RNF150: variants seen among roughly 807,000 people sequenced by gnomAD.
The protein encoded by RNF150 is ring finger protein 150.
Under a neutral mutation model 39.3 loss-of-function variants are expected in RNF150, and 24 were observed. The ratio of observed to expected loss-of-function variants is 0.61; its 90% CI spans 0.44 to 0.86. The LOEUF is 0.86. Ranked by LOEUF, RNF150 falls within the 40% of genes least tolerant of loss-of-function variation. The probability of loss-of-function intolerance (pLI) is 0.00; values close to 1 mark genes in which losing one functional copy is unlikely to be tolerated. For synonymous variants in RNF150, 255 were observed against 227.3 expected (o/e 1.12, Z -1.10); for missense variants, 502 against 587.8 (o/e 0.85, Z 1.51).
At chr4:141,095,427 CA>C (rs955875948) in intron 1 of RNF150, among the ~76,000 whole-genome samples, 18 of 150,236 alleles carry the variant, frequency 1.2e-4, no homozygotes, top group East Asian at 3.9e-4. Flanking sequence ...TTAAAAACAA[CA>C]AAAAAAAAGA....
At chr4:141,022,224 T>C (rs1167625545) in intron 1 of RNF150, among the ~76,000 whole-genome samples, 3 of 151,928 alleles carry the variant, frequency 2.0e-5, no homozygotes, top group Non-Finnish European at 2.9e-5. Context: ...TTTTATTTTT[T>C]ATTCTTTTTT....
intron 1 of RNF150, among the ~76,000 whole-genome samples, chr4:141,027,919 T>C (rs7664391): frequency 1.3e-5 from 1 of 78,162 alleles, no homozygotes; most frequent in African/African-American, 5.5e-5. Context: ...TTTGTTTTTT[T>C]TTTTTTGTTT....
chr4:140,937,383 C>T (rs1444174734), intron 4 of RNF150, among the ~76,000 whole-genome samples: 1 of 152,168 alleles, frequency 6.6e-6, no homozygotes, highest in Non-Finnish European at 1.5e-5. Flanking sequence ...GCCTCAACTT[C>T]CCGATTAGCT....
intron 1 of RNF150, among the ~76,000 whole-genome samples, chr4:141,021,778 G>T (rs1735504099): frequency 6.6e-6 from 1 of 152,198 alleles, no homozygotes; most frequent in South Asian, 2.1e-4. Flanking sequence ...GTTACAGGTA[G>T]AAGCCCAACA....
At chr4:141,065,073 C>T (rs937952326) in intron 1 of RNF150, among the ~76,000 whole-genome samples, 7 of 152,180 alleles carry the variant, frequency 4.6e-5, no homozygotes, top group Non-Finnish European at 1.0e-4. Flanking sequence ...CCATGTTGGT[C>T]AGGCTGATCT....
chr4:140,994,182 G>T (rs1196083925), intron 1 of RNF150, among the ~76,000 whole-genome samples: 2 of 152,182 alleles, frequency 1.3e-5, no homozygotes, highest in East Asian at 3.8e-4. Flanking sequence ...ACCATGTTTG[G>T]AGTGGAAATC....
chr4:141,126,039 T>C (rs1726744694), intron 1 of RNF150, among the ~76,000 whole-genome samples: 1 of 152,132 alleles, frequency 6.6e-6, no homozygotes, highest in African/African-American at 2.4e-5. Context: ...TCCTGGCTAT[T>C]GGAATTTCTG....
At chr4:140,914,767 C>A (rs965928857) in intron 5 of RNF150, among the ~76,000 whole-genome samples, 1 of 152,126 alleles carries the variant, frequency 6.6e-6, no homozygotes, top group Non-Finnish European at 1.5e-5. Flanking sequence ...TTATATTTCC[C>A]GTAGCAAAAT....
At chr4:140,919,591 C>T (rs1399476040) in intron 5 of RNF150, among the ~76,000 whole-genome samples, 1 of 150,186 alleles carries the variant, frequency 6.7e-6, no homozygotes, top group East Asian at 2.0e-4. Flanking sequence ...GAATCAATAT[C>T]GTGAAAATGG....
intron 1 of RNF150, among the ~76,000 whole-genome samples, chr4:141,122,006 C>T (rs1726618993): frequency 6.6e-6 from 1 of 152,094 alleles, no homozygotes; most frequent in Admixed American, 6.6e-5. Context: ...AACTTTTAAA[C>T]TCCCCCAGGT....
chr4:140,872,364 T>C (rs1010956459), intron 6 of RNF150, among the ~76,000 whole-genome samples: 1 of 152,216 alleles, frequency 6.6e-6, no homozygotes, highest in Non-Finnish European at 1.5e-5. Flanking sequence ...AGTTTATAGA[T>C]GAAAAATACT....
chr4:140,943,208 C>A (rs1732155770), intron 4 of RNF150, among the ~76,000 whole-genome samples: 1 of 151,862 alleles, frequency 6.6e-6, no homozygotes, highest in Non-Finnish European at 1.5e-5. Flanking sequence ...GTATCGAAGG[C>A]CAAAGGAAAA....
At chr4:141,199,707 G>A (rs1164211970) in intron 1 of RNF150, among the ~76,000 whole-genome samples, 1 of 152,100 alleles carries the variant, frequency 6.6e-6, no homozygotes, top group African/African-American at 2.4e-5. Flanking sequence ...AGCACAATGG[G>A]GATTTTCAGA....
chr4:141,118,633 C>A (rs1726510094), intron 1 of RNF150, among the ~76,000 whole-genome samples: 4 of 152,112 alleles, frequency 2.6e-5, no homozygotes. Context: ...ACTGGCCAGG[C>A]AAGGTAATGG....
At position 140,981,273 on chromosome 4, in the gene RNF150, A is replaced by G. The variant is rs923742922; in HGVS notation, c.485-13400T>C. ...ATTTTTCAGATTTTGAAAGATTTGC[A>G]TATACATAATGAGACATCTTGGCGA... On this transcript the variant is annotated intron_variant, in intron 1 of 6. Transcript: ENST00000515673. Among the ~76,000 whole-genome samples the G allele has an allele frequency of 3.9e-5, 6 of 152,190 alleles. No homozygotes were observed. In the East Asian group the frequency reaches 9.7e-4, roughly 24 times the overall value.
At chr4:140,960,682 C>T (rs1055885596) in intron 2 of RNF150, among the ~76,000 whole-genome samples, 1 of 152,024 alleles carries the variant, frequency 6.6e-6, no homozygotes, top group Admixed American at 6.6e-5. Flanking sequence ...AGGATAGGGT[C>T]CAGAGAGCTT....
chr4:141,056,785 G>C (rs1578677709), intron 1 of RNF150, among the ~76,000 whole-genome samples: 2 of 152,080 alleles, frequency 1.3e-5, no homozygotes, highest in South Asian at 4.2e-4. Flanking sequence ...GACTAGGTTA[G>C]AGAATCACGG....
intron 1 of RNF150, among the ~76,000 whole-genome samples, chr4:140,990,193 A>G (rs1415810150): frequency 6.6e-6 from 1 of 152,132 alleles, no homozygotes; most frequent in Non-Finnish European, 1.5e-5. Flanking sequence ...CTCTTTTTCC[A>G]TAAGTGCCTG....
At chr4:141,004,740 G>A (rs1444089128) in intron 1 of RNF150, among the ~76,000 whole-genome samples, 2 of 152,064 alleles carry the variant, frequency 1.3e-5, no homozygotes. Context: ...GAGACATATG[G>A]ACTTCAAGGT....
Sources: allele counts gnomAD v4.1 joint callset (sites outside exome capture counted in the v4.1 genomes callset), GRCh38; gene constraint gnomAD v4.1.1; transcripts MANE v1.5; gene names NCBI Gene and HGNC (gene_info 2026-07-23, HGNC 2026-07-21).